The following IMMT variants were observed in gnomAD, a reference collection of about 807,000 sequenced individuals.
IMMT encodes MICOS complex subunit MIC60.
Under a neutral mutation model 92.7 loss-of-function variants are expected in IMMT, and 40 were observed. The ratio of observed to expected loss-of-function variants is 0.43; its 90% confidence interval spans 0.34 to 0.56. The LOEUF (loss-of-function observed/expected upper bound fraction) is 0.56. Among genes scored for constraint, IMMT ranks in the 20% least tolerant of loss-of-function variants. The pLI is 0.03. For synonymous variants in IMMT, 322 were observed against 336.1 expected (o/e 0.96, Z 0.46); for missense variants, 831 against 912.1 (o/e 0.91, Z 1.14).
chr2:86,157,261 C>G (rs557759500), intron 10 of IMMT, among the ~76,000 whole-genome samples: 66 of 152,222 alleles, frequency 4.3e-4, no homozygotes, highest in Non-Finnish European at 7.6e-4. Context: ...CCTGAGTCAA[C>G]TGCATTCAAA....
chr2:86,166,382 G>A (rs1342976357), intron 7 of IMMT, 126 bp downstream of exon 7: 3 of 769,612 alleles, frequency 3.9e-6, no homozygotes, highest in Non-Finnish European at 6.0e-6. Context: ...CCCCTAGTGA[G>A]AGAAAGCCGA....
intron 7 of IMMT, among the ~76,000 whole-genome samples, chr2:86,163,399 C>T (rs905142501): frequency 2.0e-5 from 3 of 152,124 alleles, no homozygotes; most frequent in African/African-American, 7.2e-5. Flanking sequence ...GTGATGAGCA[C>T]AGATAATATT....
intron 11 of IMMT, among the ~76,000 whole-genome samples, chr2:86,151,772 G>C (rs1043847470): frequency 4.6e-5 from 7 of 152,084 alleles, no homozygotes; most frequent in African/African-American, 1.7e-4. Context: ...CTTTTAATCT[G>C]AACTAATTAT....
At chr2:86,154,467 A>AG (rs1464222840) in intron 10 of IMMT, among the ~76,000 whole-genome samples, 7 of 152,036 alleles carry the variant, frequency 4.6e-5, no homozygotes, top group African/African-American at 1.7e-4. Flanking sequence ...CACCATGCCC[A>AG]GCCTCAACTT....
At chr2:86,149,307 T>C (rs966518673) in intron 12 of IMMT, among the ~76,000 whole-genome samples, 3 of 152,128 alleles carry the variant, frequency 2.0e-5, no homozygotes, top group Admixed American at 6.5e-5. Context: ...AGACAAAAGA[T>C]ATAGTCAAGG....
intron 6 of IMMT, among the ~76,000 whole-genome samples, chr2:86,167,095 C>CTCA (rs1558825699): frequency 2.9e-5 from 3 of 103,164 alleles, no homozygotes; most frequent in African/African-American, 1.1e-4. Context: ...GAGACTCTCT[C>CTCA]AAAAAAAAAA....
chr2:86,194,061 G>A (rs1673359215), intron 1 of IMMT, among the ~76,000 whole-genome samples: 1 of 152,236 alleles, frequency 6.6e-6, no homozygotes, highest in South Asian at 2.1e-4. Context: ...GAGGCCTTGA[G>A]GCAAGGAACT....
At chr2:86,169,570 T>C (rs1676945304) in intron 6 of IMMT, among the ~76,000 whole-genome samples, 1 of 152,230 alleles carries the variant, frequency 6.6e-6, no homozygotes, top group African/African-American at 2.4e-5. Context: ...TACTGAACTC[T>C]CTGTCCAGCA....
At chr2:86,164,772 G>A (rs913522390) in intron 7 of IMMT, among the ~76,000 whole-genome samples, 2 of 151,058 alleles carry the variant, frequency 1.3e-5, no homozygotes, top group African/African-American at 4.9e-5. Context: ...AAATGTCAAT[G>A]ACATATCTGG....
In IMMT at chr2:86,173,764, T is replaced by A. The variant is rs1677255492; in HGVS notation, c.310-3A>T. 1 of 1,498,692 alleles carries A rather than the reference T, an allele frequency of 6.7e-7. No homozygotes were observed. 92.8% of individuals were successfully genotyped at this position (1,498,692 alleles called of 1,614,324 possible). ...ATTTTTAGTGGACCCGACTGAATCT[T>A]GGAAATAAAAAACATTTAACATTTC... On this transcript the variant is annotated splice_polypyrimidine_tract_variant and splice_region_variant and intron_variant, in intron 3 of 14. Coordinates refer to ENST00000410111, the MANE Select transcript of IMMT (RefSeq NM_006839.3).
intron 10 of IMMT, among the ~76,000 whole-genome samples, chr2:86,154,837 C>A (rs1254694472): frequency 6.6e-6 from 1 of 152,038 alleles, no homozygotes. Context: ...TACTGCCTCT[C>A]AGGATGAGCT....
At position 86,144,624 on chromosome 2, in the gene IMMT, G is replaced by T. The variant is rs1027315318; in HGVS notation, c.1921C>A (p.Leu641Met). The T allele has an allele frequency of 1.2e-5, 20 of 1,614,008 alleles. No homozygotes were observed. In the Admixed American group the frequency reaches 3.2e-4, roughly 26 times the overall value. ...TCAATCATTGCTACCCTTCGGGCCA[G>T]TTTTTGAACAGCATAGAAACGGGCT... is the stretch of plus-strand genomic sequence containing the variant. Reference protein sequence around the residue: ...LRARFYAVQKLARRVAMIDET... With the variant: ...LRARFYAVQKMARRVAMIDET... Residue 641 changes from leucine (L) to methionine (M), a missense_variant, in exon 15 of 15, where the codon CTG becomes ATG. Coordinates refer to ENST00000410111, the MANE Select transcript of IMMT (RefSeq NM_006839.3).
intron 1 of IMMT, among the ~76,000 whole-genome samples, chr2:86,186,003 T>C (rs1672743857): frequency 6.6e-6 from 1 of 152,212 alleles, no homozygotes; most frequent in African/African-American, 2.4e-5. Flanking sequence ...TGCCTCTTAG[T>C]TTCTGCCTTT....
chr2:86,148,972 A>G (rs1675258591), intron 12 of IMMT, among the ~76,000 whole-genome samples: 1 of 152,234 alleles, frequency 6.6e-6, no homozygotes, highest in African/African-American at 2.4e-5. Context: ...TTGCTCTCAC[A>G]GTGTATATCT....
At chr2:86,186,661 C>A (rs1043117286) in intron 1 of IMMT, among the ~76,000 whole-genome samples, 1 of 152,216 alleles carries the variant, frequency 6.6e-6, no homozygotes, top group African/African-American at 2.4e-5. Flanking sequence ...CCAGTATTTA[C>A]TGCCACACAT....
chr2:86,165,085 AC>A (rs1432259399), intron 7 of IMMT, among the ~76,000 whole-genome samples: 10 of 152,238 alleles, frequency 6.6e-5, no homozygotes, highest in Admixed American at 5.9e-4. Context: ...GTTAACTGCT[AC>A]CATTAGATTG....
intron 5 of IMMT, among the ~76,000 whole-genome samples, 154 bp downstream of exon 5, chr2:86,171,054 C>T (rs991110910): frequency 6.6e-6 from 1 of 152,144 alleles, no homozygotes; most frequent in Non-Finnish European, 1.5e-5. Flanking sequence ...TAAAAAGATA[C>T]ATTCGGACAT....
At chr2:86,147,879 A>G (rs1463241007) in intron 12 of IMMT, 46 bp from the exon 13 acceptor site, 1 of 1,589,262 alleles carries the variant, frequency 6.3e-7, no homozygotes, top group Admixed American at 1.7e-5. Flanking sequence ...TTCTCCACAT[A>G]TACTTTTAGG....
chr2:86,172,460 G>A (rs1025884931), intron 4 of IMMT, among the ~76,000 whole-genome samples: 7 of 151,888 alleles, frequency 4.6e-5, no homozygotes, highest in African/African-American at 1.5e-4. Context: ...CCTCCCTCCC[G>A]AGTGCTGGGA....
Sources: gnomAD v4.1 joint callset for allele counts (sites outside exome capture counted in the v4.1 genomes callset) on GRCh38, gnomAD v4.1.1 for gene constraint, MANE v1.5 for transcripts, NCBI Gene and HGNC (gene_info 2026-07-23, HGNC 2026-07-21) for gene names.